VTI1A: variants seen among roughly 807,000 people sequenced by gnomAD.
VTI1A encodes the protein vesicle transport through interaction with t-SNAREs homolog 1A.
VTI1A carries 22 observed loss-of-function variants against 34.9 expected under a neutral mutation model. That is an observed-to-expected ratio of 0.63 (90% CI 0.45 to 0.90). VTI1A has a LOEUF of 0.90. VTI1A is among the 40% of genes least tolerant of loss of function. The probability of loss-of-function intolerance (pLI) is 0.00; values close to 1 mark genes in which losing one functional copy is unlikely to be tolerated. For missense variants in VTI1A, 268 were observed against 275.6 expected (o/e 0.97, Z 0.20); for synonymous variants, 87 against 97.3 (o/e 0.89, Z 0.62).
chr10:112,723,259 A>G (rs915330015), intron 7 of VTI1A, among the ~76,000 whole-genome samples: 1 of 152,182 alleles, frequency 6.6e-6, no homozygotes, highest in Non-Finnish European at 1.5e-5. Flanking sequence ...GAAGCTAGGA[A>G]CCTATAGAAA....
At chr10:112,765,096 ACAT>A (rs1373799859) in intron 7 of VTI1A, among the ~76,000 whole-genome samples, 1 of 152,240 alleles carries the variant, frequency 6.6e-6, no homozygotes, top group African/African-American at 2.4e-5. Flanking sequence ...AAGGGAAATG[ACAT>A]CATATTATTA....
chr10:112,555,646 A>G (rs1442569930), intron 5 of VTI1A, among the ~76,000 whole-genome samples: 1 of 152,046 alleles, frequency 6.6e-6, no homozygotes, highest in Non-Finnish European at 1.5e-5. Flanking sequence ...TTAACTTTTT[A>G]GATCAATAAA....
chr10:112,619,412 G>A (rs189631454), intron 5 of VTI1A, among the ~76,000 whole-genome samples: 152 of 152,242 alleles, frequency 1.0e-3, no homozygotes, highest in Non-Finnish European at 1.5e-3. Flanking sequence ...CCCAGAGATG[G>A]AGAAAATGTG....
intron 3 of VTI1A, among the ~76,000 whole-genome samples, chr10:112,490,828 T>C (rs1848795348): frequency 6.6e-6 from 1 of 152,192 alleles, no homozygotes; most frequent in Admixed American, 6.5e-5. Flanking sequence ...GACAAAATTT[T>C]TGCTGGCAGC....
intron 4 of VTI1A, among the ~76,000 whole-genome samples, chr10:112,532,940 C>T (rs975082733): frequency 6.6e-6 from 1 of 152,080 alleles, no homozygotes; most frequent in Non-Finnish European, 1.5e-5. Context: ...AGTATTATCT[C>T]TCCTGGCATA....
intron 7 of VTI1A, among the ~76,000 whole-genome samples, chr10:112,786,151 C>T (rs755663488): frequency 7.2e-5 from 11 of 152,116 alleles, no homozygotes; most frequent in Admixed American, 1.3e-4. Flanking sequence ...ATAGATTTCA[C>T]GGTACAGGTC....
chr10:112,513,405 G>A (rs897771639), intron 3 of VTI1A, among the ~76,000 whole-genome samples: 1 of 151,968 alleles, frequency 6.6e-6, no homozygotes, highest in Non-Finnish European at 1.5e-5. Flanking sequence ...CAACTTTACT[G>A]AATTTATTTA....
chr10:112,830,849 A>ATATATATATATATTTTTTTTTT, the VTI1A span, among the ~76,000 whole-genome samples: 6 of 33,498 alleles, frequency 1.8e-4, no homozygotes, highest in Non-Finnish European at 2.5e-4. Flanking sequence ...ATATATATAT[A>ATATATATATATATTTTTTTTTT]TTTTTTTTTT....
the VTI1A span, among the ~76,000 whole-genome samples, chr10:112,829,617 G>A: frequency 1.3e-5 from 2 of 151,980 alleles, no homozygotes; most frequent in African/African-American, 2.4e-5. Context: ...AGCGGGGCAT[G>A]GTGGCAGGCA....
chr10:112,548,992 T>C (rs1851244217), intron 5 of VTI1A: 1 of 615,104 alleles, frequency 1.6e-6, no homozygotes, highest in Non-Finnish European at 2.8e-6. Context: ...CCTGCCCTCC[T>C]GCCTTCTCTT....
chr10:112,564,444 TAA>T (rs11352489), intron 5 of VTI1A, among the ~76,000 whole-genome samples: 5 of 143,842 alleles, frequency 3.5e-5, no homozygotes, highest in African/African-American at 7.5e-5. Flanking sequence ...AGTACTTCTT[TAA>T]AAAAAAAAAA....
intron 5 of VTI1A, among the ~76,000 whole-genome samples, chr10:112,645,385 AATG>A (rs1414192280): frequency 1.3e-5 from 2 of 152,208 alleles, no homozygotes; most frequent in Non-Finnish European, 2.9e-5. Flanking sequence ...GCATCACTAA[AATG>A]ATGAGTTAGA....
At chr10:112,850,605 T>G in the VTI1A span, among the ~76,000 whole-genome samples, 2 of 152,210 alleles carry the variant, frequency 1.3e-5, no homozygotes, top group African/African-American at 4.8e-5. Context: ...GAGCACCTTC[T>G]GTTCCTAGGT....
At chr10:112,666,315 T>A (rs776809637) in intron 5 of VTI1A, among the ~76,000 whole-genome samples, 4 of 152,224 alleles carry the variant, frequency 2.6e-5, no homozygotes, top group Admixed American at 6.6e-5. Flanking sequence ...GTCAAAAATA[T>A]ATTTATGATA....
intron 5 of VTI1A, among the ~76,000 whole-genome samples, chr10:112,554,182 G>A (rs1275797275): frequency 6.6e-6 from 1 of 152,130 alleles, no homozygotes; most frequent in African/African-American, 2.4e-5. Context: ...TAATTCTGCT[G>A]TGTGTGTTTT....
At chr10:112,466,438 T>C (rs544720634) in intron 3 of VTI1A, among the ~76,000 whole-genome samples, 1 of 152,138 alleles carries the variant, frequency 6.6e-6, no homozygotes, top group Non-Finnish European at 1.5e-5. Context: ...TTAAAACTCA[T>C]TATGGGCCCA....
chr10:112,730,924 T>G (rs1440172220), intron 7 of VTI1A, among the ~76,000 whole-genome samples: 1 of 152,230 alleles, frequency 6.6e-6, no homozygotes, highest in African/African-American at 2.4e-5. Context: ...ATTTTTTTCC[T>G]TGATAGTCTG....
At chr10:112,661,227 C>T (rs1277198969) in intron 5 of VTI1A, among the ~76,000 whole-genome samples, 1 of 152,182 alleles carries the variant, frequency 6.6e-6, no homozygotes, top group African/African-American at 2.4e-5. Flanking sequence ...AAGTGATCCG[C>T]CCTCCTCGGC....
intron 5 of VTI1A, among the ~76,000 whole-genome samples, chr10:112,666,442 T>G (rs1847642819): frequency 6.6e-6 from 1 of 152,204 alleles, no homozygotes; most frequent in Admixed American, 6.5e-5. Flanking sequence ...GTAACTCTTC[T>G]GTAACACTTC....
Sources: gnomAD v4.1 joint callset for allele counts (sites outside exome capture counted in the v4.1 genomes callset) on GRCh38, gnomAD v4.1.1 for gene constraint, MANE v1.5 for transcripts, NCBI Gene and HGNC (gene_info 2026-07-23, HGNC 2026-07-21) for gene names.